Variants in LIMS1 observed in about 807,000 individuals in gnomAD.
The protein encoded by LIMS1 is LIM and senescent cell antigen-like-containing domain protein 1.
In LIMS1, 18 loss-of-function variants were observed where a neutral mutation model predicts 44.1. The ratio of observed to expected loss-of-function variants is 0.41; its 90% CI spans 0.28 to 0.61. The LOEUF is 0.61. LIMS1 is among the 20% of genes least tolerant of loss of function. The probability of loss-of-function intolerance (pLI) is 0.32; values close to 1 mark genes in which losing one functional copy is unlikely to be tolerated. For synonymous variants in LIMS1, 93 were observed against 149.1 expected (o/e 0.62, Z 2.74); for missense variants, 201 against 422.0 (o/e 0.48, Z 4.59).
chr2:108,544,064 T>C (rs1468505331), intron 1 of LIMS1, among the ~76,000 whole-genome samples: 1 of 152,192 alleles, frequency 6.6e-6, no homozygotes, highest in African/African-American at 2.4e-5. Context: ...CTCTCTTCTC[T>C]CTTTCCCTGT....
At chr2:108,565,255 A>G (rs1685256666) in intron 1 of LIMS1, among the ~76,000 whole-genome samples, 1 of 152,232 alleles carries the variant, frequency 6.6e-6, no homozygotes, top group African/African-American at 2.4e-5. Context: ...TCATGTTAGG[A>G]CATAGCCAAG....
chr2:108,607,870 C>T (rs1687361190), intron 1 of LIMS1, among the ~76,000 whole-genome samples: 1 of 152,108 alleles, frequency 6.6e-6, no homozygotes, highest in Non-Finnish European at 1.5e-5. Flanking sequence ...AGTTAATGCC[C>T]CTTTTGTCCT....
intron 1 of LIMS1, among the ~76,000 whole-genome samples, chr2:108,634,652 C>G (rs948325144): frequency 6.6e-6 from 1 of 152,202 alleles, no homozygotes; most frequent in Non-Finnish European, 1.5e-5. Context: ...TCCTTTTCAC[C>G]ACAAATGTCC....
intron 1 of LIMS1, among the ~76,000 whole-genome samples, chr2:108,549,689 A>G (rs1049051960): frequency 3.9e-5 from 6 of 152,172 alleles, no homozygotes; most frequent in Admixed American, 3.3e-4. Context: ...TATAGCTTCA[A>G]TACTATTAAT....
At chr2:108,668,935 A>T (rs760654035) in intron 2 of LIMS1, among the ~76,000 whole-genome samples, 31 of 152,210 alleles carry the variant, frequency 2.0e-4, no homozygotes, top group Non-Finnish European at 3.5e-4. Flanking sequence ...AATAAACTTT[A>T]AAAACCAAAT....
intron 1 of LIMS1, among the ~76,000 whole-genome samples, chr2:108,627,370 A>G (rs1338339645): frequency 6.6e-6 from 1 of 150,974 alleles, no homozygotes; most frequent in African/African-American, 2.4e-5. Context: ...GATAAGAAGT[A>G]AAAAGTTATT....
chr2:108,556,077 A>G (rs1017766447), intron 1 of LIMS1, among the ~76,000 whole-genome samples: 1 of 152,166 alleles, frequency 6.6e-6, no homozygotes, highest in South Asian at 2.1e-4. Flanking sequence ...CACATTCACA[A>G]TGCGATTAAA....
intron 1 of LIMS1, among the ~76,000 whole-genome samples, chr2:108,545,238 A>G (rs1390616516): frequency 1.3e-5 from 2 of 152,146 alleles, no homozygotes; most frequent in Non-Finnish European, 2.9e-5. Flanking sequence ...TCCTCAGGGT[A>G]TATGGTTTAA....
intron 1 of LIMS1, among the ~76,000 whole-genome samples, chr2:108,535,706 A>G (rs925497358): frequency 6.6e-6 from 1 of 152,142 alleles, no homozygotes; most frequent in African/African-American, 2.4e-5. Flanking sequence ...AGTTTTCCAA[A>G]ATTCTCATTT....
rs78114840 is a variant in LIMS1, at chr2:108,661,566, G to A, written c.192+1802G>A. ...GAGGAGCTCCAGAGGTGTGAATGGA[G>A]GCATCAGGCATAGAGACCCCCTACT... On this transcript the variant is annotated intron_variant, in intron 2 of 9. Transcript: ENST00000544547. 1.2e-3 allele frequency among the ~76,000 whole-genome samples: 183 copies of A among 152,198 alleles called. 2 individuals are homozygous for A. In the East Asian group the frequency reaches 0.014, roughly 12 times the overall value.
At chr2:108,616,261 A>G (rs1430014535) in intron 1 of LIMS1, among the ~76,000 whole-genome samples, 1 of 135,224 alleles carries the variant, frequency 7.4e-6, no homozygotes, top group African/African-American at 2.8e-5. Context: ...GCTGGAGTGC[A>G]GTGGTGTGAC....
chr2:108,671,264 C>G (rs1480406254), intron 3 of LIMS1, among the ~76,000 whole-genome samples: 2 of 151,898 alleles, frequency 1.3e-5, no homozygotes, highest in Admixed American at 1.3e-4. Flanking sequence ...TTATGAATAA[C>G]TGTTGGATAC....
At chr2:108,671,861 T>G (rs557750675) in intron 3 of LIMS1, among the ~76,000 whole-genome samples, 14 of 152,316 alleles carry the variant, frequency 9.2e-5, no homozygotes, top group African/African-American at 3.4e-4. Flanking sequence ...TTTGCTAATG[T>G]GCTTACTCTG....
At chr2:108,637,092 T>TAC in intron 1 of LIMS1, among the ~76,000 whole-genome samples, 1 of 137,848 alleles carries the variant, frequency 7.3e-6, no homozygotes, top group African/African-American at 2.7e-5. Context: ...CAGCAAAATA[T>TAC]ACATATATGT....
At chr2:108,680,562 A>G (rs1692914690) in intron 8 of LIMS1, 133 bp from the exon 9 acceptor site, 1 of 515,582 alleles carries the variant, frequency 1.9e-6, no homozygotes, top group African/African-American at 2.3e-5. Flanking sequence ...AAAAAAAAAA[A>G]AAGGTTCTTG....
chr2:108,644,490 A>T (rs1431188068), intron 1 of LIMS1, among the ~76,000 whole-genome samples: 1 of 152,194 alleles, frequency 6.6e-6, no homozygotes, highest in African/African-American at 2.4e-5. Flanking sequence ...CCCCATCCGA[A>T]GGTCACCAAC....
intron 1 of LIMS1, among the ~76,000 whole-genome samples, chr2:108,623,993 A>G (rs1320831647): frequency 6.6e-6 from 1 of 152,256 alleles, no homozygotes; most frequent in Non-Finnish European, 1.5e-5. Flanking sequence ...AAAAGGTGGC[A>G]TGACAAACAC....
intron 1 of LIMS1, among the ~76,000 whole-genome samples, chr2:108,630,895 A>G (rs1301288843): frequency 1.3e-5 from 2 of 152,194 alleles, no homozygotes; most frequent in African/African-American, 4.8e-5. Flanking sequence ...TTTGTGTTGG[A>G]AAAAAACAGT....
At chr2:108,646,538 A>G (rs1690075988) in intron 1 of LIMS1, among the ~76,000 whole-genome samples, 1 of 152,242 alleles carries the variant, frequency 6.6e-6, no homozygotes, top group South Asian at 2.1e-4. Flanking sequence ...GGAAAGATCT[A>G]AAATCGACAC....
Sources: gnomAD v4.1 joint callset for allele counts (sites outside exome capture counted in the v4.1 genomes callset) on GRCh38, gnomAD v4.1.1 for gene constraint, MANE v1.5 for transcripts, NCBI Gene and HGNC (gene_info 2026-07-23, HGNC 2026-07-21) for gene names.